Variants in SLC35F3 observed in about 807,000 individuals in gnomAD.
SLC35F3 encodes putative thiamine transporter SLC35F3.
SLC35F3 carries 25 observed loss-of-function variants against 49.9 expected under a neutral mutation model. The ratio of observed to expected loss-of-function variants is 0.50; its 90% CI spans 0.37 to 0.70. The LOEUF is 0.70. Ranked by LOEUF, SLC35F3 falls within the 30% of genes least tolerant of loss-of-function variation. SLC35F3 has a pLI of 0.00. For missense variants in SLC35F3, 525 were observed against 639.8 expected (o/e 0.82, Z 1.94); for synonymous variants, 275 against 265.4 (o/e 1.04, Z -0.35).
intron 2 of SLC35F3, among the ~76,000 whole-genome samples, chr1:234,017,034 C>T (rs546829057): frequency 1.3e-5 from 2 of 152,104 alleles, no homozygotes; most frequent in East Asian, 1.9e-4. Flanking sequence ...CCTTAATCTG[C>T]GTGTCTTAGT....
At chr1:234,239,531 A>T (rs1667521966) in intron 3 of SLC35F3, among the ~76,000 whole-genome samples, 1 of 152,260 alleles carries the variant, frequency 6.6e-6, no homozygotes, top group African/African-American at 2.4e-5. Flanking sequence ...GACTTTGAGG[A>T]TTCTCTGATC....
Position 233,957,580 on chromosome 1 carries a change from C to T in SLC35F3, c.283+51822C>T, listed in dbSNP as rs570485419. ...CTGTAATCCCAGCACTTTGGGAGGC[C>T]GAGGCAGGTGGATCACCTGAAGTCA... On this transcript the variant is annotated intron_variant, in intron 2 of 7. Coordinates refer to ENST00000366618, the MANE Select transcript of SLC35F3 (RefSeq NM_173508.4). This position sits in a 1 kb window ranked among gnomAD's most constrained non-coding sequence, Gnocchi z 4.0. 3.3e-5 allele frequency among the ~76,000 whole-genome samples: 5 copies of T among 152,122 alleles called. No homozygotes were observed. In the South Asian group the frequency reaches 6.2e-4, roughly 19 times the overall value.
At chr1:233,999,065 C>T (rs1293687217) in intron 2 of SLC35F3, among the ~76,000 whole-genome samples, 1 of 152,134 alleles carries the variant, frequency 6.6e-6, no homozygotes, top group Non-Finnish European at 1.5e-5. Flanking sequence ...TCCATTATTA[C>T]TACATAGCAA....
At chr1:234,069,022 A>G (rs1369507671) in intron 2 of SLC35F3, among the ~76,000 whole-genome samples, 1 of 125,544 alleles carries the variant, frequency 8.0e-6, no homozygotes, top group African/African-American at 3.2e-5. Flanking sequence ...TACTATATAT[A>G]ATATATAAAA....
intron 3 of SLC35F3, among the ~76,000 whole-genome samples, chr1:234,295,779 G>A (rs368603204): frequency 6.6e-6 from 1 of 152,192 alleles, no homozygotes; most frequent in African/African-American, 2.4e-5. Flanking sequence ...AGCCAGGCCA[G>A]CCAGCAGATG....
At chr1:234,179,499 G>A (rs1295347565) in intron 2 of SLC35F3, among the ~76,000 whole-genome samples, 2 of 152,170 alleles carry the variant, frequency 1.3e-5, no homozygotes, top group African/African-American at 2.4e-5. Context: ...ATAAGGTATA[G>A]TGATCAGTCC....
At chr1:234,278,327 C>G (rs1668245699) in intron 3 of SLC35F3, among the ~76,000 whole-genome samples, 1 of 151,966 alleles carries the variant, frequency 6.6e-6, no homozygotes, top group Admixed American at 6.6e-5. Flanking sequence ...CCATTGCTAC[C>G]AAAAATACAA....
At chr1:234,252,269 C>T (rs1416140639) in intron 3 of SLC35F3, among the ~76,000 whole-genome samples, 1 of 152,056 alleles carries the variant, frequency 6.6e-6, no homozygotes, top group Non-Finnish European at 1.5e-5. Flanking sequence ...GGTGTTTCAC[C>T]GTGTTGGTCA....
chr1:233,958,874 G>C (rs568272411), intron 2 of SLC35F3, among the ~76,000 whole-genome samples: 1 of 152,128 alleles, frequency 6.6e-6, no homozygotes, highest in Non-Finnish European at 1.5e-5. Context: ...ACAAAATAAC[G>C]CATGAGCAGC....
intron 2 of SLC35F3, among the ~76,000 whole-genome samples, chr1:233,940,106 T>G (rs556435675): frequency 9.2e-5 from 14 of 152,192 alleles, no homozygotes; most frequent in Non-Finnish European, 1.5e-4. Context: ...CATTCACACA[T>G]GCAGTTTTTG....
chr1:234,184,646 C>A (rs974972741), intron 2 of SLC35F3, among the ~76,000 whole-genome samples: 2 of 152,150 alleles, frequency 1.3e-5, no homozygotes, highest in East Asian at 1.9e-4. Context: ...CATCCTGGCT[C>A]TGGGATGACC....
chr1:234,084,134 T>A (rs1255653715), intron 2 of SLC35F3, among the ~76,000 whole-genome samples: 1 of 152,030 alleles, frequency 6.6e-6, no homozygotes. Flanking sequence ...CCACCGTGCC[T>A]GGCCAACAAC....
At chr1:234,213,339 C>T (rs1017242502) in intron 2 of SLC35F3, 3 of 152,228 alleles carry the variant, frequency 2.0e-5, no homozygotes, top group Non-Finnish European at 4.4e-5. Flanking sequence ...CACCTTGAAT[C>T]TCAACTGATC....
At chr1:233,965,685 T>C (rs1385035963) in intron 2 of SLC35F3, among the ~76,000 whole-genome samples, 1 of 152,140 alleles carries the variant, frequency 6.6e-6, no homozygotes, top group East Asian at 1.9e-4. Flanking sequence ...GGAAGTGGAT[T>C]CTTCCCCACT....
intron 2 of SLC35F3, among the ~76,000 whole-genome samples, chr1:233,906,541 A>C (rs1198376534): frequency 6.6e-6 from 1 of 152,212 alleles, no homozygotes; most frequent in East Asian, 1.9e-4. Flanking sequence ...AACCATAATT[A>C]GGTGGTCTCA....
chr1:234,229,581 G>A (rs1667336378), intron 2 of SLC35F3, among the ~76,000 whole-genome samples: 1 of 152,174 alleles, frequency 6.6e-6, no homozygotes, highest in African/African-American at 2.4e-5. Flanking sequence ...AATTTATTCA[G>A]CCTCTTTTGG....
At chr1:233,911,973 C>T (rs1294442489) in intron 2 of SLC35F3, among the ~76,000 whole-genome samples, 1 of 152,186 alleles carries the variant, frequency 6.6e-6, no homozygotes, top group Non-Finnish European at 1.5e-5. Context: ...TTTCCTTAAG[C>T]AGCTGGAAAC....
chr1:234,107,773 G>A (rs1183343338), intron 2 of SLC35F3, among the ~76,000 whole-genome samples: 3 of 152,170 alleles, frequency 2.0e-5, no homozygotes, highest in Non-Finnish European at 4.4e-5. Flanking sequence ...TTAAAAGACA[G>A]CTCGCAGAGG....
intron 3 of SLC35F3, chr1:234,261,644 C>T (rs1667907347): frequency 6.6e-6 from 1 of 152,120 alleles, no homozygotes; most frequent in Non-Finnish European, 1.5e-5. Flanking sequence ...TTGTGCCTAT[C>T]TCATCCTGTG....
Sources: gnomAD v4.1 joint callset for allele counts (sites outside exome capture counted in the v4.1 genomes callset) on GRCh38, gnomAD v4.1.1 for gene constraint, Gnocchi (gnomAD v3.1) non-coding constraint, MANE v1.5 for transcripts, NCBI Gene and HGNC (gene_info 2026-07-23, HGNC 2026-07-21) for gene names.